PUM1: variants seen among roughly 807,000 people sequenced by gnomAD.
PUM1 encodes pumilio homolog 1.
In PUM1, 13 loss-of-function variants were observed where a neutral mutation model predicts 131.8. The ratio of observed to expected loss-of-function variants is 0.10; its 90% confidence interval spans 0.06 to 0.16. The LOEUF (loss-of-function observed/expected upper bound fraction) is 0.16, where lower values mean the gene tolerates loss of function less well. Ranked by LOEUF, PUM1 falls within the 10% of genes least tolerant of loss-of-function variation. The pLI, the probability that PUM1 is intolerant of heterozygous loss-of-function variation, is 1.00. For synonymous variants in PUM1, 509 were observed against 556.5 expected, an observed-to-expected ratio of 0.91 and a Z score of 1.20; for missense variants, 961 against 1,512.4, an observed-to-expected ratio of 0.64 and a Z score of 6.05.
chr1:31,047,072 T>TAGCATAA, intron 2 of PUM1, among the ~76,000 whole-genome samples: 1 of 152,018 alleles, frequency 6.6e-6, no homozygotes, highest in Non-Finnish European at 1.5e-5. Flanking sequence ...ACACCCCTAG[T>TAGCATAA]CCCAGCTACT....
intron 5 of PUM1, among the ~76,000 whole-genome samples, chr1:30,999,472 T>C (rs1642114124): frequency 6.6e-6 from 1 of 151,754 alleles, no homozygotes; most frequent in Admixed American, 6.6e-5. Flanking sequence ...CCAGACGTGG[T>C]GGTGCACACC....
chr1:30,988,704 C>A (rs1429696252), intron 7 of PUM1, among the ~76,000 whole-genome samples: 1 of 152,160 alleles, frequency 6.6e-6, no homozygotes, highest in Non-Finnish European at 1.5e-5. Flanking sequence ...TCTGTACCTC[C>A]TTGTCCTCTT....
intron 3 of PUM1, among the ~76,000 whole-genome samples, chr1:31,014,121 G>A (rs903575617): frequency 2.0e-5 from 3 of 151,280 alleles, no homozygotes; most frequent in Non-Finnish European, 3.0e-5. Context: ...GAAAACATGT[G>A]ACAGCCCATC....
chr1:30,937,802 T>A (rs1276757427), intron 20 of PUM1, among the ~76,000 whole-genome samples: 1 of 152,134 alleles, frequency 6.6e-6, no homozygotes, highest in Non-Finnish European at 1.5e-5. Context: ...AGGGTCTCAC[T>A]CTGTCACCCA....
At chr1:31,062,986 C>G (rs750239959) in intron 1 of PUM1, among the ~76,000 whole-genome samples, 16 of 152,182 alleles carry the variant, frequency 1.1e-4, no homozygotes, top group Non-Finnish European at 2.1e-4. Flanking sequence ...CTGGAGTAGT[C>G]TAACCTAGAC....
intron 2 of PUM1, among the ~76,000 whole-genome samples, chr1:31,043,873 C>T (rs918450253): frequency 1.7e-4 from 26 of 152,154 alleles, no homozygotes; most frequent in African/African-American, 6.3e-4. Context: ...TCCCATCCCC[C>T]ATTTCTAATG....
chr1:31,028,395 A>G (rs1208598673), intron 3 of PUM1, among the ~76,000 whole-genome samples: 1 of 134,008 alleles, frequency 7.5e-6, no homozygotes, highest in Admixed American at 7.5e-5. Flanking sequence ...TTAGCAGCCA[A>G]TCTAAGACTC....
intron 20 of PUM1, among the ~76,000 whole-genome samples, chr1:30,937,143 G>T (rs1639244888): frequency 6.6e-6 from 1 of 152,132 alleles, no homozygotes; most frequent in Admixed American, 6.5e-5. Flanking sequence ...CACCCAGAGA[G>T]ACCAGGTCTT....
intron 7 of PUM1, among the ~76,000 whole-genome samples, chr1:30,988,125 T>C (rs1266283895): frequency 1.3e-5 from 2 of 152,218 alleles, no homozygotes; most frequent in Non-Finnish European, 2.9e-5. Flanking sequence ...GGTTCACTTA[T>C]TAAGAAGTTC....
At chr1:30,943,896 T>A (rs1639562743) in intron 18 of PUM1, among the ~76,000 whole-genome samples, 1 of 152,200 alleles carries the variant, frequency 6.6e-6, no homozygotes, top group African/African-American at 2.4e-5. Flanking sequence ...CTACTGGCAA[T>A]TTGTGTTTCT....
At chr1:31,049,823 C>CTTTTTTTTTTTTTT (rs773718125) in intron 2 of PUM1, among the ~76,000 whole-genome samples, 2 of 79,970 alleles carry the variant, frequency 2.5e-5, no homozygotes, top group African/African-American at 5.1e-5. Flanking sequence ...ACTGAACTTC[C>CTTTTTTTTTTTTTT]TTTTTTTTTT....
intron 18 of PUM1, among the ~76,000 whole-genome samples, chr1:30,943,304 C>G (rs189328946): frequency 1.8e-4 from 27 of 151,756 alleles, no homozygotes; most frequent in African/African-American, 6.1e-4. Context: ...CTCTTGTTGC[C>G]TAGGCTGGAG....
intron 1 of PUM1, 76 bp downstream of exon 1, chr1:31,065,540 A>T: frequency 1.3e-6 from 2 of 1,500,182 alleles, no homozygotes; most frequent in Non-Finnish European, 1.8e-6. Context: ...CCACTCTCAA[A>T]CACCAATATG....
intron 21 of PUM1, among the ~76,000 whole-genome samples, chr1:30,935,326 GT>G (rs1639157547): frequency 6.6e-6 from 1 of 152,252 alleles, no homozygotes; most frequent in African/African-American, 2.4e-5. Flanking sequence ...GTATCACTCC[GT>G]TAGAGAGCCT....
chr1:30,973,258 A>AT (rs1641000996), intron 10 of PUM1, among the ~76,000 whole-genome samples: 2 of 151,916 alleles, frequency 1.3e-5, no homozygotes, highest in Middle Eastern at 3.4e-3. Context: ...AATCTAAAAA[A>AT]AAAAAAAAAA....
intron 20 of PUM1, among the ~76,000 whole-genome samples, chr1:30,939,296 T>TA (rs1221246072): frequency 6.6e-6 from 1 of 152,222 alleles, no homozygotes; most frequent in Non-Finnish European, 1.5e-5. Context: ...TCCCATACAG[T>TA]AAGCAGCAGC....
Position 30,966,094 on chromosome 1 carries a change from G to A in PUM1, c.1974C>T (p.Ser658=), listed in dbSNP as rs746993473. 7.4e-6 allele frequency: 12 copies of A among 1,614,096 alleles called. No homozygotes were observed. Among genetic ancestry groups the A allele is most frequent in the Non-Finnish European group, 6.8e-6 (8 of 1,180,042 alleles). The change falls in exon 13 of 22, where the codon AGC becomes AGT. Residue 658 remains serine (S), a synonymous_variant. Coordinates refer to ENST00000426105, the MANE Select transcript of PUM1 (RefSeq NM_001020658.2). ...GGGCAGAGCCCTGGGAGAAGAGGGA[G>A]CTGCTCTGTGAATTGCTGTTCAGAG... ...NNSLNSNSQS[S]SLFSQGSAQP... is the part of the protein sequence containing the mutation.
chr1:30,988,680 A>C (rs1641660092), intron 7 of PUM1, among the ~76,000 whole-genome samples: 1 of 152,182 alleles, frequency 6.6e-6, no homozygotes, highest in African/African-American at 2.4e-5. Context: ...TCCGGGACTC[A>C]ATTTTCAAAG....
intron 17 of PUM1, among the ~76,000 whole-genome samples, chr1:30,949,755 G>A (rs1262621972): frequency 6.6e-6 from 1 of 152,146 alleles, no homozygotes; most frequent in Non-Finnish European, 1.5e-5. Flanking sequence ...TGAAAGAACA[G>A]GAGAGAAGGA....
Sources: allele counts gnomAD v4.1 joint callset (sites outside exome capture counted in the v4.1 genomes callset), GRCh38; gene constraint gnomAD v4.1.1; transcripts MANE v1.5; gene names NCBI Gene and HGNC (gene_info 2026-07-23, HGNC 2026-07-21).